CSTL1: variants seen among roughly 807,000 people sequenced by gnomAD.
CSTL1 encodes the protein cystatin-like 1.
A neutral mutation model predicts 14.4 loss-of-function variants in CSTL1; 14 were observed. That is an observed-to-expected ratio of 0.97 (90% CI 0.64 to 1.52). CSTL1 has a LOEUF of 1.52. Ranked by LOEUF, CSTL1 falls within the 40% of genes most tolerant of loss-of-function variation. The probability of loss-of-function intolerance (pLI) is 0.00; values close to 1 mark genes in which losing one functional copy is unlikely to be tolerated. For synonymous variants in CSTL1, 72 were observed against 67.5 expected (o/e 1.07, Z -0.33); for missense variants, 170 against 168.7 (o/e 1.01, Z -0.04).
intron 2 of CSTL1, 132 bp downstream of exon 2, chr20:23,440,618 A>T: frequency 1.3e-6 from 1 of 766,160 alleles, no homozygotes; most frequent in East Asian, 2.5e-5. Context: ...AAGCATCTTC[A>T]CTTGTAGCAG....
the CSTL1 span, chr20:23,459,591 C>T: frequency 1.3e-5 from 2 of 152,114 alleles, no homozygotes; most frequent in East Asian, 3.9e-4. Flanking sequence ...AAATGTTAAA[C>T]TTTGGTTCTC....
chr20:23,455,431 T>C, the CSTL1 span, among the ~76,000 whole-genome samples: 1 of 152,218 alleles, frequency 6.6e-6, no homozygotes, highest in Non-Finnish European at 1.5e-5. Flanking sequence ...TTTAGGTTGT[T>C]CATGGAATAG....
chr20:23,446,610 T>C (rs971092000), downstream of CSTL1, among the ~76,000 whole-genome samples: 5 of 152,210 alleles, frequency 3.3e-5, no homozygotes, highest in Admixed American at 2.6e-4. Flanking sequence ...AACTCATTTC[T>C]GCACACTGAG....
At chr20:23,445,231 CTTT>C (rs11478198), downstream of CSTL1, among the ~76,000 whole-genome samples, 430 of 134,140 alleles carry the variant, frequency 3.2e-3, 5 homozygotes, top group East Asian at 0.054. Context: ...TTCTTTCTTT[CTTT>C]TTTTTTTTTT....
chr20:23,451,800 T>TG, the CSTL1 span: 2 of 1,593,280 alleles, frequency 1.3e-6, no homozygotes, highest in Non-Finnish European at 1.7e-6. Context: ...TACGTTAAAG[T>TG]GCTTTTACCC....
the CSTL1 span, chr20:23,452,014 G>T: frequency 1.2e-6 from 1 of 854,314 alleles, no homozygotes; most frequent in South Asian, 1.5e-5. Context: ...CACGTCCAAG[G>T]GCAAGGAGCT....
intron 2 of CSTL1, among the ~76,000 whole-genome samples, chr20:23,443,451 A>G (rs1157787767): frequency 6.6e-6 from 1 of 152,214 alleles, no homozygotes; most frequent in Non-Finnish European, 1.5e-5. Context: ...CTAAATGGAA[A>G]ATGCATGCCC....
chr20:23,451,549 C>T, the CSTL1 span, among the ~76,000 whole-genome samples: 1 of 152,158 alleles, frequency 6.6e-6, no homozygotes, highest in Admixed American at 6.5e-5. Context: ...CTTCCCTCGC[C>T]CCAGAGTGTG....
the CSTL1 span, among the ~76,000 whole-genome samples, chr20:23,453,887 G>C: frequency 6.6e-6 from 1 of 151,716 alleles, no homozygotes; most frequent in Non-Finnish European, 1.5e-5. Context: ...CGAACACACG[G>C]ACACACAACA....
chr20:23,456,377 C>T, the CSTL1 span, among the ~76,000 whole-genome samples: 5 of 152,168 alleles, frequency 3.3e-5, no homozygotes, highest in Non-Finnish European at 7.4e-5. Context: ...CTCTTTTTCC[C>T]TATGCACACC....
chr20:23,452,712 C>A, the CSTL1 span: 6 of 1,613,970 alleles, frequency 3.7e-6, no homozygotes, highest in African/African-American at 6.7e-5. Flanking sequence ...ACTTCATGGA[C>A]GCTTAGAAAG....
chr20:23,458,938 A>T, the CSTL1 span: 2 of 152,298 alleles, frequency 1.3e-5, no homozygotes, highest in Non-Finnish European at 2.9e-5. Context: ...TAGGAGTCTA[A>T]GATCATGAGC....
chr20:23,440,358 T>C lies in CSTL1; in HGVS notation c.91T>C (p.Phe31Leu). The change falls in exon 2 of 4, where the codon TTC (phenylalanine) becomes CTC (leucine). Residue 31 changes from phenylalanine to leucine, a missense_variant. Phe to Leu is a conservative substitution (Grantham distance 22, BLOSUM62 0). Coordinates refer to ENST00000347397, the MANE Select transcript of CSTL1 (RefSeq NM_138283.1). Reference sequence around the variant, plus strand: ...GGGTCACTTCCAAAGGTGGGAGGGCTTCCAGCAGAAGCTCATGAGCAAGAA... The same window carrying C: ...GGGTCACTTCCAAAGGTGGGAGGGCCTCCAGCAGAAGCTCATGAGCAAGAA... Reference protein sequence around the residue: ...KLGHFQRWEGFQQKLMSKKNM... With the variant: ...KLGHFQRWEGLQQKLMSKKNM... 2 of 1,614,154 alleles carry C rather than the reference T, an allele frequency of 1.2e-6. No individual in the cohort carries two copies. The highest frequency in any genetic ancestry group is 8.5e-7 in the Non-Finnish European group (1 of 1,180,032).
chr20:23,450,342 T>A, the CSTL1 span: 9 of 506,650 alleles, frequency 1.8e-5, no homozygotes, highest in Non-Finnish European at 3.0e-5. Context: ...GACTTTCAGA[T>A]TATTACTATG....
At chr20:23,451,976 GT>G in the CSTL1 span, 1 of 1,387,044 alleles carries the variant, frequency 7.2e-7, no homozygotes, top group African/African-American at 1.5e-5. Context: ...CCTGTCTGCG[GT>G]TTCTGTGCCT....
At chr20:23,450,779 CA>C in the CSTL1 span, among the ~76,000 whole-genome samples, 3 of 152,172 alleles carry the variant, frequency 2.0e-5, no homozygotes, top group East Asian at 1.9e-4. Flanking sequence ...CGGCTGAAAT[CA>C]AAATAAATAT....
chr20:23,455,308 ATAC>A, the CSTL1 span, among the ~76,000 whole-genome samples: 2 of 152,252 alleles, frequency 1.3e-5, no homozygotes, highest in Non-Finnish European at 2.9e-5. Flanking sequence ...GGCTGGCCAC[ATAC>A]TACTACTAAT....
At chr20:23,444,146 C>A in intron 3 of CSTL1, 102 bp downstream of exon 3, 2 of 986,766 alleles carry the variant, frequency 2.0e-6, no homozygotes, top group Non-Finnish European at 3.1e-6. Flanking sequence ...TTGGGGCCAG[C>A]TGGGGCCCAG....
chr20:23,447,909 G>A (rs1002517361), downstream of CSTL1, among the ~76,000 whole-genome samples: 1 of 151,964 alleles, frequency 6.6e-6, no homozygotes, highest in South Asian at 2.1e-4. Context: ...CTTACTTATC[G>A]ATTTAAATCT....
Sources: allele counts gnomAD v4.1 joint callset (sites outside exome capture counted in the v4.1 genomes callset), GRCh38; gene constraint gnomAD v4.1.1; transcripts MANE v1.5; gene names NCBI Gene and HGNC (gene_info 2026-07-23, HGNC 2026-07-21).